Variants in NEGR1 observed in about 807,000 individuals in gnomAD.
NEGR1 encodes the protein neuronal growth regulator 1.
Under a neutral mutation model 40.9 loss-of-function variants are expected in NEGR1, and 10 were observed. The ratio of observed to expected loss-of-function variants is 0.24; its 90% CI spans 0.15 to 0.42. NEGR1 has a LOEUF of 0.42. Ranked by LOEUF, NEGR1 falls within the 10% of genes least tolerant of loss-of-function variation. NEGR1 has a pLI of 1.00. For missense variants in NEGR1, 352 were observed against 438.9 expected, an observed-to-expected ratio of 0.80 and a Z score of 1.77; for synonymous variants, 185 against 166.8, an observed-to-expected ratio of 1.11 and a Z score of -0.84.
chr1:71,706,734 G>A (rs992897562), intron 3 of NEGR1, among the ~76,000 whole-genome samples: 8 of 151,746 alleles, frequency 5.3e-5, no homozygotes, highest in African/African-American at 1.7e-4. Context: ...GACATTTCTA[G>A]ACACACCCTG....
chr1:71,559,867 T>G lies in NEGR1; in HGVS notation c.940+32950A>C, dbSNP rs114273060. On this transcript the variant is annotated intron_variant, in intron 6 of 6. Transcript: ENST00000357731. ...AAAAAAAATCTTCAGGAATTCCAAA[T>G]GCTATGCGTATTTCTTGTTCTTTAA... 7.7e-3 allele frequency among the ~76,000 whole-genome samples: 1,165 copies of G among 151,470 alleles called. 17 individuals are homozygous for G. The highest frequency in any genetic ancestry group is 0.027 in the African/African-American group (1,117 of 41,406).
chr1:71,853,795 A>G (rs1303532850), intron 2 of NEGR1, among the ~76,000 whole-genome samples: 1 of 152,132 alleles, frequency 6.6e-6, no homozygotes, highest in Non-Finnish European at 1.5e-5. Context: ...AATTTTCAAA[A>G]GTTGTGCTGT....
intron 1 of NEGR1, among the ~76,000 whole-genome samples, chr1:72,282,096 TC>T (rs1557613093): frequency 4.6e-5 from 7 of 152,128 alleles, no homozygotes; most frequent in Non-Finnish European, 1.5e-5. Context: ...TACTTGGCGT[TC>T]CGGCAAAGTG....
intron 6 of NEGR1, chr1:71,570,923 A>G (rs764579079): frequency 2.0e-5 from 3 of 152,162 alleles, no homozygotes; most frequent in African/African-American, 7.2e-5. Flanking sequence ...AGAAAAAGGC[A>G]CCATTGACTG....
chr1:71,678,290 CA>C (rs1361957242), intron 4 of NEGR1, among the ~76,000 whole-genome samples: 1 of 152,060 alleles, frequency 6.6e-6, no homozygotes, highest in African/African-American at 2.4e-5. Flanking sequence ...GAACATTGAG[CA>C]AGTATGAACA....
At chr1:71,795,706 C>G (rs1657299152) in intron 2 of NEGR1, among the ~76,000 whole-genome samples, 1 of 151,980 alleles carries the variant, frequency 6.6e-6, no homozygotes, top group African/African-American at 2.4e-5. Flanking sequence ...TTAACTGGGT[C>G]CCTGTGTATC....
chr1:71,865,083 A>G (rs1328094678), intron 2 of NEGR1, among the ~76,000 whole-genome samples: 2 of 152,214 alleles, frequency 1.3e-5, no homozygotes, highest in African/African-American at 4.8e-5. Context: ...GCTGAATAAA[A>G]TACAGAAATC....
chr1:72,162,233 C>T (rs192278688), intron 1 of NEGR1, among the ~76,000 whole-genome samples: 1 of 151,694 alleles, frequency 6.6e-6, no homozygotes, highest in African/African-American at 2.4e-5. Flanking sequence ...GGGTGGATCA[C>T]CTGAGGTCAG....
At chr1:72,223,631 T>C (rs930598887) in intron 1 of NEGR1, among the ~76,000 whole-genome samples, 1 of 152,132 alleles carries the variant, frequency 6.6e-6, no homozygotes, top group African/African-American at 2.4e-5. Flanking sequence ...AATTACTCTA[T>C]ACAAGTTATA....
chr1:72,227,308 C>G (rs1654223695), intron 1 of NEGR1, among the ~76,000 whole-genome samples: 1 of 151,814 alleles, frequency 6.6e-6, no homozygotes, highest in East Asian at 1.9e-4. Flanking sequence ...AAAATTGTAT[C>G]ATCCTGGCTG....
At chr1:71,600,708 G>C (rs1184201810) in intron 5 of NEGR1, among the ~76,000 whole-genome samples, 1 of 152,142 alleles carries the variant, frequency 6.6e-6, no homozygotes, top group Non-Finnish European at 1.5e-5. Context: ...GGAATACAGG[G>C]GCCAGAATGT....
At chr1:71,610,652 C>G (rs984840162) in intron 5 of NEGR1, among the ~76,000 whole-genome samples, 1 of 152,142 alleles carries the variant, frequency 6.6e-6, no homozygotes, top group Non-Finnish European at 1.5e-5. Context: ...GGAAGCCAGG[C>G]AAAGACAGCA....
chr1:71,856,058 C>T (rs534803546), intron 2 of NEGR1, among the ~76,000 whole-genome samples: 1 of 152,080 alleles, frequency 6.6e-6, no homozygotes, highest in South Asian at 2.1e-4. Flanking sequence ...CCCATGAGCC[C>T]TTCTGACTGA....
chr1:71,734,593 T>C (rs765999722), intron 3 of NEGR1, among the ~76,000 whole-genome samples: 1 of 152,158 alleles, frequency 6.6e-6, no homozygotes, highest in Non-Finnish European at 1.5e-5. Flanking sequence ...TAAAAATAAA[T>C]GCTGATTTAA....
intron 1 of NEGR1, among the ~76,000 whole-genome samples, chr1:72,190,336 T>C (rs1192414378): frequency 6.6e-6 from 1 of 151,658 alleles, no homozygotes; most frequent in South Asian, 2.1e-4. Flanking sequence ...AGAAAATATT[T>C]AGCATAATAA....
chr1:72,206,050 G>A (rs952503934), intron 1 of NEGR1, among the ~76,000 whole-genome samples: 4 of 151,392 alleles, frequency 2.6e-5, no homozygotes, highest in African/African-American at 9.7e-5. Context: ...CTACTATCTG[G>A]GGTACATGGT....
At chr1:71,550,132 G>A (rs1178313846) in intron 6 of NEGR1, among the ~76,000 whole-genome samples, 1 of 151,608 alleles carries the variant, frequency 6.6e-6, no homozygotes, top group African/African-American at 2.4e-5. Context: ...TGGTGGAGCA[G>A]ACAGTCTTTG....
intron 4 of NEGR1, among the ~76,000 whole-genome samples, chr1:71,658,297 A>G (rs533869663): frequency 1.1e-4 from 17 of 152,332 alleles, no homozygotes; most frequent in African/African-American, 3.6e-4. Flanking sequence ...AAATTGATGT[A>G]TGATTATATT....
At chr1:71,709,942 TGAA>T (rs1164022225) in intron 3 of NEGR1, among the ~76,000 whole-genome samples, 4 of 152,152 alleles carry the variant, frequency 2.6e-5, no homozygotes, top group Non-Finnish European at 5.9e-5. Context: ...GTCTATGAGT[TGAA>T]GAGACAACCC....
Sources: allele counts gnomAD v4.1 joint callset (sites outside exome capture counted in the v4.1 genomes callset), GRCh38; gene constraint gnomAD v4.1.1; transcripts MANE v1.5; gene names NCBI Gene and HGNC (gene_info 2026-07-23, HGNC 2026-07-21).